The following CNDP1 variants were observed in gnomAD, a reference collection of about 807,000 sequenced individuals.
CNDP1 encodes the protein beta-Ala-His dipeptidase.
CNDP1 carries 44 observed loss-of-function variants against 58.1 expected under a neutral mutation model. That is an observed-to-expected ratio of 0.76 (90% confidence interval 0.60 to 0.97). The LOEUF is 0.97. Ranked by LOEUF, CNDP1 falls within the 50% of genes least tolerant of loss-of-function variation. CNDP1 has a pLI of 0.00. For missense variants in CNDP1, 616 were observed against 655.1 expected (o/e 0.94, Z 0.65); for synonymous variants, 254 against 252.6 (o/e 1.01, Z -0.05).
chr18:74,574,089 C>T (rs879521644), intron 7 of CNDP1, among the ~76,000 whole-genome samples: 2 of 152,178 alleles, frequency 1.3e-5, no homozygotes, highest in African/African-American at 2.4e-5. Flanking sequence ...AGGTGAGAGT[C>T]GGCTGTGCTG....
intron 5 of CNDP1, 112 bp from the exon 6 acceptor site, chr18:74,567,121 C>T (rs1568297547): frequency 1.2e-6 from 1 of 845,692 alleles, no homozygotes; most frequent in Non-Finnish European, 2.0e-6. Context: ...CCCTGGGTCC[C>T]TCCACAACAC....
At chr18:74,583,979 A>C in intron 11 of CNDP1, 1 of 437,354 alleles carries the variant, frequency 2.3e-6, no homozygotes, top group Non-Finnish European at 4.2e-6. Flanking sequence ...CTCTTTTTAT[A>C]AGAGCACCAG....
intron 7 of CNDP1, 156 bp from the exon 8 acceptor site, chr18:74,576,713 T>C: frequency 3.7e-6 from 2 of 536,834 alleles, no homozygotes; most frequent in South Asian, 3.6e-5. Flanking sequence ...CAGTCACTTC[T>C]TGGATGGAGT....
intron 5 of CNDP1, among the ~76,000 whole-genome samples, chr18:74,566,892 A>G (rs559539097): frequency 6.6e-6 from 1 of 152,224 alleles, no homozygotes; most frequent in Admixed American, 6.5e-5. Flanking sequence ...GACATACCCA[A>G]GACTGGGAAG....
At chr18:74,540,194 GTT>G (rs1980583251) in intron 1 of CNDP1, among the ~76,000 whole-genome samples, 1 of 142,576 alleles carries the variant, frequency 7.0e-6, no homozygotes, top group African/African-American at 2.6e-5. Context: ...GTCTGGCTCT[GTT>G]GCCCAGGCTA....
intron 1 of CNDP1, among the ~76,000 whole-genome samples, chr18:74,547,197 C>A (rs1208871381): frequency 6.6e-6 from 1 of 152,224 alleles, no homozygotes; most frequent in Non-Finnish European, 1.5e-5. Flanking sequence ...ATAAAACATT[C>A]TTTTCTGTGT....
intron 1 of CNDP1, among the ~76,000 whole-genome samples, chr18:74,537,717 A>G (rs369739675): frequency 1.6e-4 from 24 of 152,130 alleles, no homozygotes; most frequent in East Asian, 7.7e-4. Context: ...TCTGTGCTCT[A>G]GTGCCCAGGC....
rs1348796395 is a variant in CNDP1 at position 74,551,793 on chromosome 18, T to G, written c.25-4545T>G. On this transcript the variant is annotated intron_variant, in intron 1 of 11. Coordinates refer to ENST00000358821, the MANE Select transcript of CNDP1 (RefSeq NM_032649.6). ...CTGCAGCTTATTTCCTTCTTCCAACTGTCCTTTTTTATTTTTCACTGTAGA... is the reference window on the plus strand; with the variant it reads ...CTGCAGCTTATTTCCTTCTTCCAACGGTCCTTTTTTATTTTTCACTGTAGA... 2.6e-5 allele frequency among the ~76,000 whole-genome samples: 4 copies of G among 152,330 alleles called. No homozygotes were observed. The East Asian group carries it at 7.7e-4, about 29-fold the overall frequency.
intron 9 of CNDP1, among the ~76,000 whole-genome samples, chr18:74,579,164 TC>T (rs1217902409): frequency 5.6e-5 from 8 of 141,958 alleles, no homozygotes; most frequent in African/African-American, 2.1e-4. Context: ...CTCTCCTCCC[TC>T]TCTCCCTTCT....
chr18:74,583,365 C>T (rs139779554), intron 10 of CNDP1, among the ~76,000 whole-genome samples, 196 bp from the exon 11 acceptor site: 14 of 152,268 alleles, frequency 9.2e-5, no homozygotes, highest in African/African-American at 3.1e-4. Flanking sequence ...TTCTTCTTGA[C>T]TCTAGTGTCT....
chr18:74,546,705 C>T (rs1217778581), intron 1 of CNDP1, among the ~76,000 whole-genome samples: 1 of 152,224 alleles, frequency 6.6e-6, no homozygotes, highest in Non-Finnish European at 1.5e-5. Flanking sequence ...CACTCAATTC[C>T]TCAATTCCTC....
intron 11 of CNDP1, chr18:74,583,987 C>T (rs1000458667): frequency 1.9e-5 from 8 of 417,984 alleles, no homozygotes; most frequent in Middle Eastern, 1.3e-3. Context: ...ATAAGAGCAC[C>T]AGACCCATTG....
In CNDP1 at chr18:74,569,182, G is replaced by A. The variant is rs953230679; in HGVS notation, c.756+1749G>A. On this transcript the variant is annotated intron_variant, in intron 6 of 11. Coordinates refer to ENST00000358821, the MANE Select transcript of CNDP1 (RefSeq NM_032649.6). ...GAAGTGAGACCGTCCACACTCCAGA[G>A]TAATTTAGCTAGCATTATTGCCTAG... 5.3e-4 allele frequency among the ~76,000 whole-genome samples: 80 copies of A among 152,140 alleles called. 3 individuals carry two copies. Among genetic ancestry groups the A allele is most frequent in the Non-Finnish European group, 3.2e-4 (22 of 68,026 alleles).
intron 1 of CNDP1, among the ~76,000 whole-genome samples, chr18:74,551,895 A>G (rs1386778936): frequency 6.6e-6 from 1 of 150,594 alleles, no homozygotes; most frequent in African/African-American, 2.5e-5. Flanking sequence ...AGATGGATCA[A>G]TTGGATCGAT....
rs35885130 is a variant in CNDP1 at position 74,543,314 on chromosome 18, A to AC, written c.24+8629dup. 1.1e-4 allele frequency among the ~76,000 whole-genome samples: 16 copies of AC among 151,332 alleles called. 1 individual carries two copies. The highest frequency in any genetic ancestry group is 8.6e-4 in the Admixed American group (13 of 15,200). ...AGACCAGCCTGGGCAATATGGTGAG[A>AC]CCCCCCTGTTTCTACAAAAAATACA... On this transcript the variant is annotated intron_variant, in intron 1 of 11. Transcript: ENST00000358821.
At chr18:74,566,344 C>T (rs552401323) in intron 5 of CNDP1, among the ~76,000 whole-genome samples, 20 of 152,344 alleles carry the variant, frequency 1.3e-4, no homozygotes, top group Non-Finnish European at 2.5e-4. Flanking sequence ...TTGAATTTCT[C>T]CCCAGAAAAT....
At chr18:74,551,395 A>ACACACACACACAC (rs1568293393) in intron 1 of CNDP1, among the ~76,000 whole-genome samples, 38 of 109,556 alleles carry the variant, frequency 3.5e-4, no homozygotes, top group African/African-American at 1.3e-3. Flanking sequence ...CACACACACA[A>ACACACACACACAC]ACAAAAACAG....
At chr18:74,576,746 G>A (rs1981645689) in intron 7 of CNDP1, 123 bp from the exon 8 acceptor site, 2 of 784,206 alleles carry the variant, frequency 2.6e-6, no homozygotes, top group South Asian at 2.7e-5. Context: ...CTTTGGCCAC[G>A]GGGACCCAGA....
chr18:74,581,537 G>A (rs1981791835), intron 10 of CNDP1, among the ~76,000 whole-genome samples: 1 of 152,224 alleles, frequency 6.6e-6, no homozygotes, highest in Non-Finnish European at 1.5e-5. Context: ...ACCCAGTTCT[G>A]GTGTTTCTGA....
Sources: allele counts gnomAD v4.1 joint callset (sites outside exome capture counted in the v4.1 genomes callset), GRCh38; gene constraint gnomAD v4.1.1; transcripts MANE v1.5; gene names NCBI Gene and HGNC (gene_info 2026-07-23, HGNC 2026-07-21).